The following EXOC6B variants were observed in gnomAD, a reference collection of about 807,000 sequenced individuals.
EXOC6B encodes exocyst complex component 6B.
In EXOC6B, 54 loss-of-function variants were observed where a neutral mutation model predicts 113.5. The observed-to-expected ratio is 0.48, with a 90% CI of 0.38 to 0.60. EXOC6B has a LOEUF of 0.60. EXOC6B is among the 20% of genes least tolerant of loss of function. EXOC6B has a pLI of 0.00. For synonymous variants in EXOC6B, 357 were observed against 339.0 expected (o/e 1.05, Z -0.58); for missense variants, 797 against 977.5 (o/e 0.82, Z 2.46).
chr2:72,248,886 T>G (rs1682834704), intron 20 of EXOC6B, among the ~76,000 whole-genome samples: 1 of 152,132 alleles, frequency 6.6e-6, no homozygotes, highest in East Asian at 1.9e-4. Context: ...TCAAAGAACA[T>G]TAAATGTAGT....
At chr2:72,774,448 C>T (rs535438028) in intron 1 of EXOC6B, among the ~76,000 whole-genome samples, 1 of 152,230 alleles carries the variant, frequency 6.6e-6, no homozygotes, top group African/African-American at 2.4e-5. Flanking sequence ...ATCACTAATA[C>T]TTTACTGATG....
At chr2:72,341,233 T>A (rs184941571) in intron 19 of EXOC6B, among the ~76,000 whole-genome samples, 14 of 152,294 alleles carry the variant, frequency 9.2e-5, no homozygotes, top group African/African-American at 3.4e-4. Context: ...ATTGTGCCTA[T>A]AATGAACAAT....
At chr2:72,779,977 G>C (rs1683930080) in intron 1 of EXOC6B, among the ~76,000 whole-genome samples, 1 of 152,080 alleles carries the variant, frequency 6.6e-6, no homozygotes, top group Non-Finnish European at 1.5e-5. Flanking sequence ...CAATACAAAA[G>C]TCCTTTCTTA....
intron 2 of EXOC6B, among the ~76,000 whole-genome samples, chr2:72,736,269 A>G (rs79504171): frequency 1.3e-5 from 2 of 152,204 alleles, no homozygotes; most frequent in Middle Eastern, 3.4e-3. Flanking sequence ...TTCAAAGAAG[A>G]TAAGTGTGTG....
chr2:72,518,126 A>G (rs1250092356), intron 8 of EXOC6B, among the ~76,000 whole-genome samples: 2 of 152,316 alleles, frequency 1.3e-5, no homozygotes, highest in East Asian at 3.9e-4. Flanking sequence ...CTGTCTATTC[A>G]CAGAGAGGTC....
chr2:72,312,645 A>C (rs1225879394), intron 20 of EXOC6B, among the ~76,000 whole-genome samples: 3 of 151,788 alleles, frequency 2.0e-5, no homozygotes, highest in Admixed American at 2.0e-4. Context: ...AATCCCAGCT[A>C]CTCGGAGGCT....
chr2:72,474,151 C>A lies in EXOC6B; in HGVS notation c.1800+6465G>T, dbSNP rs531327356. Among the ~76,000 whole-genome samples the A allele has an allele frequency of 2.0e-5, 3 of 151,640 alleles. No homozygotes were observed. In the South Asian group the frequency reaches 6.2e-4, roughly 32 times the overall value. Reference sequence around the variant, plus strand: ...ATCCACTGTTAGTCTGATGATGATTCCTTTATAGGTAACTAGATGCTTTTC... The same window carrying A: ...ATCCACTGTTAGTCTGATGATGATTACTTTATAGGTAACTAGATGCTTTTC... On this transcript the variant is annotated intron_variant, in intron 17 of 21. Transcript: ENST00000272427.
chr2:72,214,384 G>A (rs1297281262), intron 20 of EXOC6B, among the ~76,000 whole-genome samples: 2 of 151,860 alleles, frequency 1.3e-5, no homozygotes, highest in Admixed American at 6.6e-5. Flanking sequence ...CCAGCTACTC[G>A]GGAGGCTGAG....
chr2:72,237,757 G>A (rs1395975763), intron 20 of EXOC6B, among the ~76,000 whole-genome samples: 1 of 152,178 alleles, frequency 6.6e-6, no homozygotes, highest in Non-Finnish European at 1.5e-5. Context: ...TATGGCAGCA[G>A]AGGCTATAAA....
At chr2:72,320,011 A>G (rs2104824537) in intron 20 of EXOC6B, among the ~76,000 whole-genome samples, 1 of 151,994 alleles carries the variant, frequency 6.6e-6, no homozygotes, top group Middle Eastern at 3.4e-3. Flanking sequence ...TAATTTTTGT[A>G]CTTTTAGTAG....
chr2:72,630,652 A>G (rs1672328023), intron 6 of EXOC6B, among the ~76,000 whole-genome samples: 2 of 152,070 alleles, frequency 1.3e-5, no homozygotes, highest in African/African-American at 2.4e-5. Flanking sequence ...ATAAATATTT[A>G]TTTTCATTCC....
At chr2:72,462,729 C>A (rs934670278) in intron 18 of EXOC6B, 3 of 152,052 alleles carry the variant, frequency 2.0e-5, no homozygotes, top group Non-Finnish European at 4.4e-5. Context: ...ATTTCTCAGT[C>A]TACAGTATCT....
At chr2:72,636,373 C>G (rs12996288) in intron 6 of EXOC6B, among the ~76,000 whole-genome samples, 57,735 of 84,916 alleles carry the variant, frequency 0.68, 18,268 homozygotes, top group East Asian at 0.97. Context: ...AGGAAGGAAG[C>G]AAGGAAGCAA....
At chr2:72,761,574 G>C (rs1342797359) in intron 1 of EXOC6B, among the ~76,000 whole-genome samples, 1 of 151,904 alleles carries the variant, frequency 6.6e-6, no homozygotes, top group African/African-American at 2.4e-5. Context: ...TAAAGGGCAA[G>C]ATAAATTTGA....
chr2:72,770,223 A>G (rs922773703), intron 1 of EXOC6B, among the ~76,000 whole-genome samples: 4 of 152,214 alleles, frequency 2.6e-5, no homozygotes, highest in Admixed American at 2.6e-4. Context: ...GTGATCAAGT[A>G]TGATACATAA....
chr2:72,444,525 C>T (rs1056081379), intron 18 of EXOC6B, among the ~76,000 whole-genome samples: 1 of 152,220 alleles, frequency 6.6e-6, no homozygotes, highest in African/African-American at 2.4e-5. Flanking sequence ...AGCAGAGGTT[C>T]TCCATGAGAG....
chr2:72,327,948 CTT>C (rs1385506498), intron 20 of EXOC6B, among the ~76,000 whole-genome samples: 1 of 152,134 alleles, frequency 6.6e-6, no homozygotes, highest in Non-Finnish European at 1.5e-5. Context: ...AAGCTGAAGA[CTT>C]TATTCATCTG....
At chr2:72,823,479 C>A (rs10164932) in intron 1 of EXOC6B, among the ~76,000 whole-genome samples, 73,576 of 93,932 alleles carry the variant, frequency 0.78, 28,493 homozygotes, top group East Asian at 0.91. Flanking sequence ...AAAAAAAAAA[C>A]AAAAAACAAA....
chr2:72,191,931 G>T (rs768308053), intron 20 of EXOC6B, among the ~76,000 whole-genome samples: 3 of 152,104 alleles, frequency 2.0e-5, no homozygotes, highest in Non-Finnish European at 2.9e-5. Context: ...CATCCGGGGG[G>T]TACTTAAGTT....
Sources: gnomAD v4.1 joint callset for allele counts (sites outside exome capture counted in the v4.1 genomes callset) on GRCh38, gnomAD v4.1.1 for gene constraint, MANE v1.5 for transcripts, NCBI Gene and HGNC (gene_info 2026-07-23, HGNC 2026-07-21) for gene names.